The following SLC41A1 variants were observed in gnomAD, a reference collection of about 807,000 sequenced individuals.
The protein encoded by SLC41A1 is solute carrier family 41 (magnesium transporter), member 1.
Under a neutral mutation model 47.3 loss-of-function variants are expected in SLC41A1, and 20 were observed. That is an observed-to-expected ratio of 0.42 (90% CI 0.30 to 0.61). SLC41A1 has a LOEUF of 0.61. Among genes scored for constraint, SLC41A1 ranks in the 20% least tolerant of loss-of-function variants. The pLI, the probability that SLC41A1 is intolerant of heterozygous loss-of-function variation, is 0.17. For synonymous variants in SLC41A1, 282 were observed against 272.7 expected, an observed-to-expected ratio of 1.03 and a Z score of -0.34; for missense variants, 504 against 674.1, an observed-to-expected ratio of 0.75 and a Z score of 2.79.
chr1:205,811,289 C>T (rs1267380601), intron 1 of SLC41A1, among the ~76,000 whole-genome samples: 1 of 152,192 alleles, frequency 6.6e-6, no homozygotes, highest in Non-Finnish European at 1.5e-5. Flanking sequence ...CCCCGCCATC[C>T]TCCCCACCAG....
At chr1:205,798,176 T>C (rs1169311112) in intron 6 of SLC41A1, 125 bp from the exon 7 acceptor site, 3 of 1,398,414 alleles carry the variant, frequency 2.1e-6, no homozygotes, top group South Asian at 1.2e-5. Flanking sequence ...AGTAAACACA[T>C]TATCCCATTT....
At chr1:205,801,343 G>T in intron 2 of SLC41A1, 1 of 402,058 alleles carries the variant, frequency 2.5e-6, no homozygotes, top group South Asian at 2.1e-5. Context: ...CCTGGAGGTG[G>T]GTGGGGAAGG....
Position 205,791,834 on chromosome 1 carries a change from T to C in SLC41A1, c.1357-116A>G. On this transcript the variant is annotated intron_variant, in intron 10 of 10. Transcript: ENST00000367137. The surrounding 1 kb of genome is among the most constrained non-coding windows in gnomAD (Gnocchi z 4.0). ...GGGCTTGGCTGGCCATAATCCTTAC[T>C]TTTTAATCTTCCTCTTTCCACCCCA... is the stretch of plus-strand genomic sequence containing the variant. 7.6e-7 allele frequency: 1 copy of C among 1,311,068 alleles called. No homozygotes were observed. Among genetic ancestry groups the C allele is most frequent in the Non-Finnish European group, 1.1e-6 (1 of 931,972 alleles). 81.2% of individuals were successfully genotyped at this position (1,311,068 alleles called of 1,614,324 possible). A position where few individuals can be genotyped will look rare whatever the true frequency, so the allele number is the denominator to read the frequency against.
intron 2 of SLC41A1, among the ~76,000 whole-genome samples, chr1:205,807,986 C>T (rs1656054973): frequency 6.7e-6 from 1 of 149,950 alleles, no homozygotes; most frequent in African/African-American, 2.5e-5. Flanking sequence ...GTTGGAGTCT[C>T]GCTCTGTCAC....
chr1:205,791,555 C>G lies in SLC41A1; in HGVS notation c.1520G>C (p.Arg507Pro). 1 of 1,614,056 alleles carries G rather than the reference C, an allele frequency of 6.2e-7. No individual in the cohort carries two copies. The highest frequency in any genetic ancestry group is 8.5e-7 in the Non-Finnish European group (1 of 1,180,000). Reference sequence around the variant, plus strand: ...AAGCTAGTCCCCGACATCCGTGTCTCGGTCCCCTATGAGCCAGAGAACATG... The same window carrying G: ...AAGCTAGTCCCCGACATCCGTGTCTGGGTCCCCTATGAGCCAGAGAACATG... ...SFHVLWLIGDRDTDVGD is the reference protein window; with the variant it reads ...SFHVLWLIGDPDTDVGD Residue 507 changes from arginine to proline, a missense_variant, in exon 11 of 11, where the codon CGA (arginine) becomes CCA (proline). Transcript: ENST00000367137. This position sits in a 1 kb window ranked among gnomAD's most constrained non-coding sequence, Gnocchi z 4.0.
intron 2 of SLC41A1, among the ~76,000 whole-genome samples, chr1:205,801,789 T>C (rs1655886389): frequency 6.6e-6 from 1 of 152,250 alleles, no homozygotes; most frequent in Non-Finnish European, 1.5e-5. Context: ...CAATCAATCC[T>C]GGCTCTCCTA....
rs1655627067 is a variant in SLC41A1 at position 205,791,528 on chromosome 1, C to G, written c.*5G>C. The G allele has an allele frequency of 6.2e-7, 1 of 1,614,002 alleles. No homozygotes were observed. ...GAGGGATGGGGAAAATGTTGAGTGA[C>G]CAAGCTAGTCCCCGACATCCGTGTC... On this transcript the variant is annotated 3_prime_UTR_variant, in exon 11 of 11. Transcript: ENST00000367137. The surrounding 1 kb of genome is among the most constrained non-coding windows in gnomAD (Gnocchi z 4.0).
chr1:205,799,964 A>G, intron 3 of SLC41A1, 134 bp from the exon 4 acceptor site: 2 of 766,718 alleles, frequency 2.6e-6, no homozygotes, highest in Non-Finnish European at 4.5e-6. Flanking sequence ...ACAGTCCCGG[A>G]AAGGTGAAGC....
intron 10 of SLC41A1, among the ~76,000 whole-genome samples, chr1:205,794,071 T>A (rs1169989956): frequency 6.6e-6 from 1 of 152,180 alleles, no homozygotes; most frequent in East Asian, 1.9e-4. Context: ...ATGAAACAGT[T>A]TTCTGTATTT....
chr1:205,805,901 G>A (rs999215352), intron 2 of SLC41A1, among the ~76,000 whole-genome samples: 13 of 152,218 alleles, frequency 8.5e-5, no homozygotes, highest in African/African-American at 2.4e-4. Context: ...AGCCACCTCA[G>A]GAGGGTAGCA....
Position 205,795,344 on chromosome 1 carries a change from C to T in SLC41A1, c.1207G>A (p.Asp403Asn). 6.2e-7 allele frequency: 1 copy of T among 1,614,178 alleles called. No individual in the cohort carries two copies. The highest frequency in any genetic ancestry group is 8.5e-7 in the Non-Finnish European group (1 of 1,180,026). The change falls in exon 9 of 11, where the codon GAT becomes AAT. Residue 403 changes from aspartate (D) to asparagine (N), a missense_variant and splice_region_variant. Physicochemically the swap from Asp to Asn is conservative, Grantham distance 23. This residue lies in a region of SLC41A1 where 421 missense variants were observed against 601.6 expected (regional missense o/e 0.70). Transcript: ENST00000367137. Reference sequence around the variant, plus strand: ...TGGGAGGCTGGGAATCTGCCGTTACCAGGGCTGAAGAAGGTGGTACAAGGA... The same window carrying T: ...TGGGAGGCTGGGAATCTGCCGTTACTAGGGCTGAAGAAGGTGGTACAAGGA... ...PSPCTTFFSP[D>N]VNSRSARVLF... is the part of the protein sequence containing the mutation.
chr1:205,805,877 AG>A (rs1484404198), intron 2 of SLC41A1, among the ~76,000 whole-genome samples: 1 of 152,208 alleles, frequency 6.6e-6, no homozygotes, highest in Non-Finnish European at 1.5e-5. Context: ...CCTGCCTTCA[AG>A]GGTTCTGGCC....
Position 205,791,184 on chromosome 1 carries a change from A to G in SLC41A1, c.*349T>C. 1 of 339,878 alleles carries G rather than the reference A, an allele frequency of 2.9e-6. No homozygotes were observed. Among genetic ancestry groups the G allele is most frequent in the Non-Finnish European group, 5.6e-6 (1 of 178,610 alleles). 21.1% of individuals were successfully genotyped at this position (339,878 alleles called of 1,614,324 possible). On this transcript the variant is annotated 3_prime_UTR_variant, in exon 11 of 11. Transcript: ENST00000367137. This position sits in a 1 kb window ranked among gnomAD's most constrained non-coding sequence, Gnocchi z 4.0. ...AGAGCCCACTTACAAAGGGTTTCTC[A>G]TTAGGGCCAAGACAGGTTGCTAAAG... is the stretch of plus-strand genomic sequence containing the variant.
chr1:205,795,628 C>A lies in SLC41A1; in HGVS notation c.1073-150G>T, dbSNP rs1412949209. ...ATGTGGGCATCACCCATTCACCAGT[C>A]CCCAAAAGAAGAGTAAGGCACTAAG... On this transcript the variant is annotated intron_variant, in intron 8 of 10. Transcript: ENST00000367137. 3 of 975,892 alleles carry A rather than the reference C, an allele frequency of 3.1e-6. 1 individual carries two copies. In the Admixed American group the frequency reaches 6.1e-5, roughly 20 times the overall value. 60.5% of individuals were successfully genotyped at this position (975,892 alleles called of 1,614,324 possible). A position where few individuals can be genotyped will look rare whatever the true frequency, so the allele number is the denominator to read the frequency against.
intron 10 of SLC41A1, among the ~76,000 whole-genome samples, chr1:205,792,467 T>C (rs1655646617): frequency 6.6e-6 from 1 of 152,210 alleles, no homozygotes; most frequent in Non-Finnish European, 1.5e-5. Context: ...TGTTCTTGCT[T>C]ACCTTCTATT....
chr1:205,813,096 G>A lies in SLC41A1; in HGVS notation c.-935C>T. On this transcript the variant is annotated 5_prime_UTR_variant, in exon 1 of 11. Coordinates refer to ENST00000367137, the MANE Select transcript of SLC41A1 (RefSeq NM_173854.6). ...GGGCCCGGCGGGGGGGCACCCGGAC[G>A]GGGGACCGGGGAGCCGAGCTCACGC... 1 of 985,466 alleles carries A rather than the reference G, an allele frequency of 1.0e-6. No homozygotes were observed. The highest frequency in any genetic ancestry group is 1.2e-6 in the Non-Finnish European group (1 of 829,970). The allele number at this position is 985,466 out of a possible 1,614,324, so 61.0% of individuals were successfully genotyped here.
intron 1 of SLC41A1, among the ~76,000 whole-genome samples, chr1:205,811,928 C>T (rs986769663): frequency 1.5e-4 from 23 of 152,350 alleles, no homozygotes; most frequent in Middle Eastern, 3.4e-3. Context: ...AATTAGGCTC[C>T]TCCTGTTCCC....
At position 205,807,650 on chromosome 1, in the gene SLC41A1, C is replaced by CTTTTTT. The variant is rs71152452; in HGVS notation, c.372+2414_372+2419dup. Among the ~76,000 whole-genome samples, 9 of 98,518 alleles carry CTTTTTT rather than the reference C, an allele frequency of 9.1e-5. 1 individual carries two copies. Among genetic ancestry groups the CTTTTTT allele is most frequent in the South Asian group, 4.2e-4 (1 of 2,376 alleles). 64.6% of individuals were successfully genotyped at this position (98,518 alleles called of 152,430 possible). On this transcript the variant is annotated intron_variant, in intron 2 of 10. Coordinates refer to ENST00000367137, the MANE Select transcript of SLC41A1 (RefSeq NM_173854.6). The stretch of plus-strand genomic sequence containing the variant: ...AAAGAAAATAGGCTCCTCGTAGAGT[C>CTTTTTT]TTTTTTTTTTTTTTTTTTTTTTTGA...
chr1:205,795,394 T>A lies in SLC41A1; in HGVS notation c.1157A>T (p.Glu386Val). 1 of 1,614,172 alleles carries A rather than the reference T, an allele frequency of 6.2e-7. No individual in the cohort carries two copies. The highest frequency in any genetic ancestry group is 8.5e-7 in the Non-Finnish European group (1 of 1,180,038). ...ACTGGGACAGCGGCGAGGAGCTTGC[T>A]CAGAGTTCTCTCCGGGCATTCCATT... ...HMNGMPGENS[E>V]QAPRRCPSPC... The change falls in exon 9 of 11, where the codon GAG (glutamate) becomes GTG (valine). Residue 386 changes from glutamate to valine, a missense_variant. Physicochemically the swap from Glu to Val is moderately radical, Grantham distance 121. Coordinates refer to ENST00000367137, the MANE Select transcript of SLC41A1 (RefSeq NM_173854.6).
Sources: allele counts gnomAD v4.1 joint callset (sites outside exome capture counted in the v4.1 genomes callset), GRCh38; gene constraint gnomAD v4.1.1; regional missense constraint gnomAD v4.1.1; non-coding constraint Gnocchi (gnomAD v3.1); transcripts MANE v1.5; gene names NCBI Gene and HGNC (gene_info 2026-07-23, HGNC 2026-07-21).